OPCML: variants seen among roughly 807,000 people sequenced by gnomAD.
The protein encoded by OPCML is opioid-binding protein/cell adhesion molecule.
Under a neutral mutation model 37.8 loss-of-function variants are expected in OPCML, and 13 were observed. That is an observed-to-expected ratio of 0.34 (90% CI 0.22 to 0.55). The LOEUF (loss-of-function observed/expected upper bound fraction) is 0.55. OPCML is among the 20% of genes least tolerant of loss of function. The pLI is 0.91. For missense variants in OPCML, 341 were observed against 435.6 expected (o/e 0.78, Z 1.93); for synonymous variants, 176 against 168.8 (o/e 1.04, Z -0.33).
At chr11:132,652,365 C>CAT (rs1255183907) in intron 3 of OPCML, among the ~76,000 whole-genome samples, 3 of 150,464 alleles carry the variant, frequency 2.0e-5, no homozygotes, top group Non-Finnish European at 4.4e-5. Flanking sequence ...CACACACACA[C>CAT]ACACACACAC....
rs556542841 is a variant in OPCML at position 132,623,532 on chromosome 11, T to G, written c.379+33555A>C. Among the ~76,000 whole-genome samples the G allele has an allele frequency of 3.9e-5, 6 of 152,318 alleles. No homozygotes were observed. In the East Asian group the frequency reaches 1.2e-3, roughly 29 times the overall value. On this transcript the variant is annotated intron_variant, in intron 3 of 7. Transcript: ENST00000524381. ...TTCCATTTTCTAATTGTTCATAAAT[T>G]TACTGACAGGTGGTTACACAGTAGG...
chr11:132,921,106 C>T (rs1944782036), intron 2 of OPCML, among the ~76,000 whole-genome samples: 1 of 152,178 alleles, frequency 6.6e-6, no homozygotes, highest in African/African-American at 2.4e-5. Context: ...GTTTTCTTTC[C>T]TGATAGTACT....
At chr11:132,843,529 C>G (rs1941389962) in intron 2 of OPCML, among the ~76,000 whole-genome samples, 2 of 151,620 alleles carry the variant, frequency 1.3e-5, no homozygotes, top group African/African-American at 4.9e-5. Flanking sequence ...AAACATAGCA[C>G]TGGTGTTATT....
rs1217761663 is a variant in OPCML at position 133,483,670 on chromosome 11, TA to T, written c.61+48593del. Among the ~76,000 whole-genome samples, 5 of 140,286 alleles carry T rather than the reference TA, an allele frequency of 3.6e-5. No homozygotes were observed. The Admixed American group carries it at 3.6e-4, about 10-fold the overall frequency. The allele number at this position is 140,286 out of a possible 152,430, so 92.0% of individuals were successfully genotyped here. A position where few individuals can be genotyped will look rare whatever the true frequency, so the allele number is the denominator to read the frequency against. ...TAGGTAGATAGACAGATTAGATAAA[TA>T]GATGATAGATAGATAGATAGATAGA... On this transcript the variant is annotated intron_variant, in intron 1 of 7. Transcript: ENST00000524381.
intron 1 of OPCML, chr11:133,301,139 A>G (rs988926972): frequency 6.6e-6 from 1 of 152,206 alleles, no homozygotes; most frequent in Non-Finnish European, 1.5e-5. Context: ...CAGGATTCTA[A>G]CAACTCTCCT....
At chr11:133,143,758 C>T (rs1174581779) in intron 1 of OPCML, among the ~76,000 whole-genome samples, 1 of 152,176 alleles carries the variant, frequency 6.6e-6, no homozygotes, top group Admixed American at 6.5e-5. Context: ...AACTAGAAGC[C>T]AGGACTGCTG....
At chr11:132,758,088 T>G (rs1472390131) in intron 2 of OPCML, among the ~76,000 whole-genome samples, 1 of 152,230 alleles carries the variant, frequency 6.6e-6, no homozygotes, top group Non-Finnish European at 1.5e-5. Flanking sequence ...TTGTCAGGTT[T>G]GTCAAAGATC....
At chr11:132,492,622 C>T (rs995630150) in intron 4 of OPCML, among the ~76,000 whole-genome samples, 1 of 152,060 alleles carries the variant, frequency 6.6e-6, no homozygotes, top group Non-Finnish European at 1.5e-5. Context: ...GCTTGAGAGG[C>T]CCAGTTTGGC....
At position 133,128,666 on chromosome 11, in the gene OPCML, T is replaced by G. The variant is rs187132009; in HGVS notation, c.62-185656A>C. On this transcript the variant is annotated intron_variant, in intron 1 of 7. Coordinates refer to ENST00000524381, the MANE Select transcript of OPCML (RefSeq NM_001012393.5). ...AAGCAGCCTTCTCATGGATGGGAGCTCTTTGTCTACTGACTGTGAACTCCA... is the reference window on the plus strand; with the variant it reads ...AAGCAGCCTTCTCATGGATGGGAGCGCTTTGTCTACTGACTGTGAACTCCA... Among the ~76,000 whole-genome samples the G allele has an allele frequency of 9.7e-4, 147 of 152,182 alleles. 2 individuals carry two copies. Among genetic ancestry groups the G allele is most frequent in the African/African-American group, 3.4e-3 (141 of 41,540 alleles).
intron 2 of OPCML, among the ~76,000 whole-genome samples, chr11:132,851,410 G>T (rs1406024525): frequency 6.6e-6 from 1 of 152,162 alleles, no homozygotes; most frequent in Non-Finnish European, 1.5e-5. Flanking sequence ...GTCTAGAGAG[G>T]CAAGGGCTGC....
rs188118700 is a variant in OPCML, at chr11:133,307,889, C to T, written c.61+224375G>A. ...ATTTTACCTCCCAAGCAAGTTATCACTGACTTACTACTCTCAGAGTAATTT... is the reference window on the plus strand; with the variant it reads ...ATTTTACCTCCCAAGCAAGTTATCATTGACTTACTACTCTCAGAGTAATTT... On this transcript the variant is annotated intron_variant, in intron 1 of 7. Transcript: ENST00000524381. Among the ~76,000 whole-genome samples, 104 of 152,074 alleles carry T rather than the reference C, an allele frequency of 6.8e-4. 1 individual carries two copies. In the South Asian group the frequency reaches 8.1e-3, roughly 12 times the overall value.
At chr11:132,913,717 G>A (rs552622711) in intron 2 of OPCML, among the ~76,000 whole-genome samples, 13 of 152,276 alleles carry the variant, frequency 8.5e-5, no homozygotes, top group Admixed American at 6.5e-4. Context: ...TTCTGACCAT[G>A]GCTCCTTCTG....
chr11:132,774,777 C>G (rs1458185257), intron 2 of OPCML, among the ~76,000 whole-genome samples: 2 of 152,214 alleles, frequency 1.3e-5, no homozygotes, highest in Non-Finnish European at 2.9e-5. Flanking sequence ...ATTTTCTGTG[C>G]CTCCAGGACT....
At chr11:133,023,783 C>G (rs774757332) in intron 1 of OPCML, among the ~76,000 whole-genome samples, 2 of 152,118 alleles carry the variant, frequency 1.3e-5, no homozygotes, top group African/African-American at 2.4e-5. Flanking sequence ...AAACAAAAAG[C>G]CTGCCTGAGT....
chr11:132,628,643 T>A (rs944051788), intron 3 of OPCML, among the ~76,000 whole-genome samples: 10 of 152,114 alleles, frequency 6.6e-5, no homozygotes, highest in Non-Finnish European at 1.2e-4. Flanking sequence ...TAGGGCCAGG[T>A]ACCAGATAAT....
At chr11:132,780,472 C>T (rs1404413569) in intron 2 of OPCML, among the ~76,000 whole-genome samples, 1 of 152,290 alleles carries the variant, frequency 6.6e-6, no homozygotes, top group Non-Finnish European at 1.5e-5. Context: ...CCTTTCCAAA[C>T]TTAGTCCCCT....
At chr11:133,228,706 A>C (rs1940146663) in intron 1 of OPCML, among the ~76,000 whole-genome samples, 1 of 152,254 alleles carries the variant, frequency 6.6e-6, no homozygotes, top group Non-Finnish European at 1.5e-5. Flanking sequence ...TTATGGAAGG[A>C]GATTGGCTCC....
At chr11:133,392,986 C>T (rs1334472125) in intron 1 of OPCML, among the ~76,000 whole-genome samples, 1 of 151,332 alleles carries the variant, frequency 6.6e-6, no homozygotes, top group South Asian at 2.1e-4. Context: ...AATGCCCTGC[C>T]TTCTTGTTTC....
At chr11:133,250,070 C>T (rs1286587423) in intron 1 of OPCML, among the ~76,000 whole-genome samples, 1 of 152,206 alleles carries the variant, frequency 6.6e-6, no homozygotes, top group East Asian at 1.9e-4. Flanking sequence ...TAAAGAATAT[C>T]ATCATAAAGT....
Sources: allele counts gnomAD v4.1 joint callset (sites outside exome capture counted in the v4.1 genomes callset), GRCh38; gene constraint gnomAD v4.1.1; transcripts MANE v1.5; gene names NCBI Gene and HGNC (gene_info 2026-07-23, HGNC 2026-07-21).